TRIM24: variants seen among roughly 807,000 people sequenced by gnomAD.
TRIM24 encodes the protein transcription intermediary factor 1-alpha.
Under a neutral mutation model 123.9 loss-of-function variants are expected in TRIM24, and 29 were observed. The observed-to-expected ratio is 0.23, with a 90% CI of 0.17 to 0.32. The LOEUF is 0.32. Ranked by LOEUF, TRIM24 falls within the 10% of genes least tolerant of loss-of-function variation. The pLI, the probability that TRIM24 is intolerant of heterozygous loss-of-function variation, is 1.00. For missense variants in TRIM24, 932 were observed against 1,295.3 expected (o/e 0.72, Z 4.31); for synonymous variants, 456 against 461.1 (o/e 0.99, Z 0.14).
intron 9 of TRIM24, among the ~76,000 whole-genome samples, chr7:138,555,475 T>C (rs1797296594): frequency 6.6e-6 from 1 of 151,468 alleles, no homozygotes; most frequent in Non-Finnish European, 1.5e-5. Flanking sequence ...ATTTTTACTA[T>C]AATCCAATTT....
chr7:138,554,582 A>C lies in TRIM24; in HGVS notation c.1262-116A>C, dbSNP rs575272466. 3 of 1,106,256 alleles carry C rather than the reference A, an allele frequency of 2.7e-6. No homozygotes were observed. The East Asian group carries it at 7.5e-5, about 28-fold the overall frequency. 68.5% of individuals were successfully genotyped at this position (1,106,256 alleles called of 1,614,324 possible). A position where few individuals can be genotyped will look rare whatever the true frequency, so the allele number is the denominator to read the frequency against. The stretch of plus-strand genomic sequence containing the variant: ...TCTCTTTCAGAGTGTTAAAGGGCTC[A>C]TGAGATCAGAGAATTTCTTGGCAAT... On this transcript the variant is annotated intron_variant, in intron 8 of 18. Coordinates refer to ENST00000343526, the MANE Select transcript of TRIM24 (RefSeq NM_015905.3). The surrounding 1 kb of genome is among the most constrained non-coding windows in gnomAD (Gnocchi z 4.5).
intron 9 of TRIM24, among the ~76,000 whole-genome samples, chr7:138,562,785 T>G (rs1363938373): frequency 6.6e-6 from 1 of 152,186 alleles, no homozygotes; most frequent in African/African-American, 2.4e-5. Context: ...GTGGCTTTTT[T>G]GTGTATAGCC....
At chr7:138,462,749 GTTAT>G (rs1795030961) in intron 1 of TRIM24, among the ~76,000 whole-genome samples, 1 of 152,174 alleles carries the variant, frequency 6.6e-6, no homozygotes, top group Non-Finnish European at 1.5e-5. Flanking sequence ...AACTGGTAAG[GTTAT>G]TTGTTAGCTT....
At chr7:138,546,244 A>G (rs1238409297) in intron 7 of TRIM24, among the ~76,000 whole-genome samples, 1 of 152,202 alleles carries the variant, frequency 6.6e-6, no homozygotes. Context: ...TGCCAAGAAT[A>G]CTGTAACTAA....
chr7:138,461,997 G>A (rs1794990278), intron 1 of TRIM24, among the ~76,000 whole-genome samples: 1 of 152,118 alleles, frequency 6.6e-6, no homozygotes, highest in South Asian at 2.1e-4. Context: ...TTTTCCGTGG[G>A]TCTCCGTTTC....
chr7:138,504,447 CTTTTTTTTTT>C (rs750956455), intron 2 of TRIM24, 39 bp downstream of exon 2: 10 of 154,616 alleles, frequency 6.5e-5, no homozygotes, highest in Non-Finnish European at 1.1e-4. Flanking sequence ...CCTGCCAGCT[CTTTTTTTTTT>C]TTTTTTTTTT....
At chr7:138,544,714 G>A (rs1797067886) in intron 7 of TRIM24, among the ~76,000 whole-genome samples, 2 of 152,168 alleles carry the variant, frequency 1.3e-5, no homozygotes, top group African/African-American at 4.8e-5. Context: ...ATCCTAACAG[G>A]TATGAGATGA....
At chr7:138,559,722 C>G (rs189864286) in intron 9 of TRIM24, among the ~76,000 whole-genome samples, 1 of 152,284 alleles carries the variant, frequency 6.6e-6, no homozygotes, top group Non-Finnish European at 1.5e-5. Context: ...GTCCACTTGT[C>G]TTGGGCTGCT....
intron 1 of TRIM24, among the ~76,000 whole-genome samples, chr7:138,494,631 G>A (rs1168825032): frequency 6.6e-6 from 1 of 152,056 alleles, no homozygotes; most frequent in Non-Finnish European, 1.5e-5. Flanking sequence ...CTTACAATAA[G>A]GAGTGTGTCA....
chr7:138,554,958 T>C lies in TRIM24; in HGVS notation c.1522T>C (p.Ser508Pro), dbSNP rs1034963449. The change falls in exon 9 of 19, where the codon TCT becomes CCT. Residue 508 changes from serine (S) to proline (P), a missense_variant. By Grantham distance (74) the Ser-to-Pro change is moderately conservative (BLOSUM62 -1). Around this residue, in one of 7 missense-constraint regions of TRIM24, gnomAD observed 527 missense variants for 691.3 expected, o/e 0.76. Transcript: ENST00000343526. This position sits in a 1 kb window ranked among gnomAD's most constrained non-coding sequence, Gnocchi z 4.5. ...GGGGCCCATCCAGCAACCTTCCATCTCTCATCAGGTAAATTTGGAAGCAGG... is the reference window on the plus strand; with the variant it reads ...GGGGCCCATCCAGCAACCTTCCATCCCTCATCAGGTAAATTTGGAAGCAGG... ...MQGPIQQPSI[S>P]HQQPPPRLIN... 1 of 1,613,472 alleles carries C rather than the reference T, an allele frequency of 6.2e-7. No homozygotes were observed. The highest frequency in any genetic ancestry group is 8.5e-7 in the Non-Finnish European group (1 of 1,179,646).
chr7:138,509,716 A>AAAT (rs1295844424), intron 2 of TRIM24, among the ~76,000 whole-genome samples: 1 of 150,524 alleles, frequency 6.6e-6, no homozygotes. Flanking sequence ...AAAAAAAAAA[A>AAAT]AAAAAGGAAA....
chr7:138,494,746 A>G (rs1458824587), intron 1 of TRIM24, among the ~76,000 whole-genome samples: 2 of 152,194 alleles, frequency 1.3e-5, no homozygotes. Flanking sequence ...ATTGTTATAC[A>G]TTCCCAACAA....
chr7:138,484,321 C>T (rs1027353384), intron 1 of TRIM24, among the ~76,000 whole-genome samples: 2 of 151,798 alleles, frequency 1.3e-5, no homozygotes, highest in Admixed American at 6.6e-5. Flanking sequence ...GTTGGTCAGA[C>T]TGGTCTGGAA....
intron 1 of TRIM24, among the ~76,000 whole-genome samples, chr7:138,468,326 A>T (rs529657570): frequency 6.6e-6 from 1 of 152,262 alleles, no homozygotes; most frequent in Admixed American, 6.5e-5. Flanking sequence ...TCAATCTTGC[A>T]TTCTTGAGAT....
chr7:138,563,474 A>G (rs1797469016), intron 9 of TRIM24, among the ~76,000 whole-genome samples: 1 of 151,892 alleles, frequency 6.6e-6, no homozygotes, highest in African/African-American at 2.4e-5. Context: ...AGTTTCCCTT[A>G]CCGTAAGGGT....
intron 10 of TRIM24, among the ~76,000 whole-genome samples, chr7:138,570,413 A>G (rs1409833707): frequency 1.3e-5 from 2 of 152,226 alleles, no homozygotes; most frequent in Non-Finnish European, 2.9e-5. Flanking sequence ...ATATGAGAAG[A>G]GGAATATAAA....
Position 138,554,781 on chromosome 7 carries a change from A to G in TRIM24, c.1345A>G (p.Ser449Gly). Residue 449 changes from serine (S) to glycine (G), a missense_variant, in exon 9 of 19, where the codon AGT becomes GGT. By Grantham distance (56) the Ser-to-Gly change is moderately conservative. This residue lies in a region of TRIM24 where 527 missense variants were observed against 691.3 expected (regional missense o/e 0.76). Transcript: ENST00000343526. The surrounding 1 kb of genome is among the most constrained non-coding windows in gnomAD (Gnocchi z 4.5). ...CGTGGAACAGAATTCACAGCCACCAAGTGGTTTATCATCAAACCAGTTATC... is the reference window on the plus strand; with the variant it reads ...CGTGGAACAGAATTCACAGCCACCAGGTGGTTTATCATCAAACCAGTTATC... Reference protein sequence around the residue: ...PVVEQNSQPPSGLSSNQLSKF... With the variant: ...PVVEQNSQPPGGLSSNQLSKF... 6.2e-7 allele frequency: 1 copy of G among 1,614,202 alleles called. No homozygotes were observed. The highest frequency in any genetic ancestry group is 1.6e-4 in the Middle Eastern group (1 of 6,062).
Position 138,516,247 on chromosome 7 carries a change from A to G in TRIM24, c.631+888A>G, listed in dbSNP as rs1159050095. 2.0e-5 allele frequency among the ~76,000 whole-genome samples: 3 copies of G among 152,240 alleles called. No homozygotes were observed. In the East Asian group the frequency reaches 5.8e-4, roughly 30 times the overall value. On this transcript the variant is annotated intron_variant, in intron 3 of 18. Coordinates refer to ENST00000343526, the MANE Select transcript of TRIM24 (RefSeq NM_015905.3). The stretch of plus-strand genomic sequence containing the variant: ...AACCCGGGAGGCGGAGCTTGCGGTG[A>G]GCCGAGATCGCACCACTGCACTCCA...
intron 9 of TRIM24, among the ~76,000 whole-genome samples, chr7:138,562,342 T>C (rs568883942): frequency 6.6e-6 from 1 of 152,230 alleles, no homozygotes; most frequent in South Asian, 2.1e-4. Flanking sequence ...GAAGAATGCA[T>C]CTTTCAGGTC....
Sources: gnomAD v4.1 joint callset for allele counts (sites outside exome capture counted in the v4.1 genomes callset) on GRCh38, gnomAD v4.1.1 for gene constraint, gnomAD v4.1.1 regional missense constraint, Gnocchi (gnomAD v3.1) non-coding constraint, MANE v1.5 for transcripts, NCBI Gene and HGNC (gene_info 2026-07-23, HGNC 2026-07-21) for gene names.